Variants in SLC24A2 observed in about 807,000 individuals in gnomAD.
SLC24A2 encodes the protein sodium/potassium/calcium exchanger 2.
Under a neutral mutation model 62.0 loss-of-function variants are expected in SLC24A2, and 36 were observed. That is an observed-to-expected ratio of 0.58 (90% CI 0.44 to 0.77). SLC24A2 has a LOEUF of 0.77. SLC24A2 is among the 30% of genes least tolerant of loss of function. The probability of loss-of-function intolerance (pLI) is 0.00; values close to 1 mark genes in which losing one functional copy is unlikely to be tolerated. For missense variants in SLC24A2, 846 were observed against 817.9 expected, an observed-to-expected ratio of 1.03 and a Z score of -0.42; for synonymous variants, 358 against 294.0, an observed-to-expected ratio of 1.22 and a Z score of -2.23.
At chr9:19,769,496 A>G (rs796721869) in intron 2 of SLC24A2, among the ~76,000 whole-genome samples, 20 of 152,334 alleles carry the variant, frequency 1.3e-4, no homozygotes, top group African/African-American at 4.1e-4. Context: ...TTCTTTGGGT[A>G]TTATCAACAT....
chr9:19,518,351 C>T (rs1833033907), intron 10 of SLC24A2, among the ~76,000 whole-genome samples: 1 of 151,718 alleles, frequency 6.6e-6, no homozygotes, highest in Non-Finnish European at 1.5e-5. Context: ...GTGAAATACA[C>T]AAGAATTTCA....
the SLC24A2 span, among the ~76,000 whole-genome samples, chr9:20,287,118 GT>G: frequency 1.3e-5 from 2 of 152,176 alleles, no homozygotes; most frequent in Non-Finnish European, 2.9e-5. Context: ...GGGAAACATT[GT>G]TTTAAGACAA....
intron 7 of SLC24A2, among the ~76,000 whole-genome samples, chr9:19,560,912 TATATAGAGAG>T (rs780425611): frequency 0.054 from 2,702 of 50,006 alleles, 77 homozygotes; most frequent in African/African-American, 0.19. Context: ...TATATATATA[TATATAGAGAG>T]AGAGAGAGAG....
the SLC24A2 span, among the ~76,000 whole-genome samples, chr9:19,939,740 G>A: frequency 6.6e-6 from 1 of 152,256 alleles, no homozygotes; most frequent in Admixed American, 6.5e-5. Flanking sequence ...ATAATCTTAG[G>A]GGCCCACTGT....
chr9:19,810,369 G>T, the SLC24A2 span, among the ~76,000 whole-genome samples: 1 of 152,188 alleles, frequency 6.6e-6, no homozygotes, highest in Non-Finnish European at 1.5e-5. Context: ...AATAAAAAGT[G>T]TCTGTTTTTA....
the SLC24A2 span, among the ~76,000 whole-genome samples, chr9:19,865,485 T>C: frequency 2.0e-5 from 3 of 152,124 alleles, no homozygotes; most frequent in South Asian, 2.1e-4. Context: ...CAAAACACCA[T>C]GGTACTGGCA....
the SLC24A2 span, among the ~76,000 whole-genome samples, chr9:19,969,765 G>A: frequency 6.6e-6 from 1 of 152,182 alleles, no homozygotes; most frequent in South Asian, 2.1e-4. Flanking sequence ...AAAGATCATA[G>A]AGCTTGTAAG....
chr9:19,981,751 G>A, the SLC24A2 span, among the ~76,000 whole-genome samples: 15 of 152,176 alleles, frequency 9.9e-5, no homozygotes, highest in African/African-American at 3.6e-4. Context: ...TGAAAGGACA[G>A]CAGTTACCCA....
the SLC24A2 span, among the ~76,000 whole-genome samples, chr9:20,070,535 A>C: frequency 6.6e-6 from 1 of 152,254 alleles, no homozygotes; most frequent in Admixed American, 6.5e-5. Context: ...CAGGTTAGAA[A>C]GGCGGTGTGC....
chr9:19,742,443 T>G (rs1225687739), intron 2 of SLC24A2, among the ~76,000 whole-genome samples: 2 of 152,174 alleles, frequency 1.3e-5, no homozygotes, highest in African/African-American at 2.4e-5. Context: ...ATACAGAAAT[T>G]ATCTTCTTAA....
At chr9:20,086,431 G>C in the SLC24A2 span, among the ~76,000 whole-genome samples, 1 of 152,120 alleles carries the variant, frequency 6.6e-6, no homozygotes, top group South Asian at 2.1e-4. Flanking sequence ...GTTTGTGTTT[G>C]CCTATTATGG....
chr9:19,575,607 C>G (rs1416647514), intron 6 of SLC24A2, among the ~76,000 whole-genome samples: 1 of 152,098 alleles, frequency 6.6e-6, no homozygotes, highest in African/African-American at 2.4e-5. Context: ...ATTCAGAGAC[C>G]CAATAACATT....
the SLC24A2 span, among the ~76,000 whole-genome samples, chr9:19,883,362 CAG>C: frequency 2.8e-3 from 426 of 152,228 alleles, no homozygotes; most frequent in Admixed American, 4.8e-3. Flanking sequence ...GTGTACAAAT[CAG>C]AGTCTTACAA....
At chr9:19,940,286 G>A in the SLC24A2 span, among the ~76,000 whole-genome samples, 4 of 152,194 alleles carry the variant, frequency 2.6e-5, no homozygotes, top group Admixed American at 6.5e-5. Flanking sequence ...AGAGGCTTTT[G>A]CCAACTGTTC....
At chr9:19,662,664 C>T (rs1270909431) in intron 2 of SLC24A2, among the ~76,000 whole-genome samples, 1 of 152,162 alleles carries the variant, frequency 6.6e-6, no homozygotes, top group African/African-American at 2.4e-5. Flanking sequence ...TGCAGGCCTC[C>T]TCATCTTGGT....
chr9:19,941,590 T>TGTGTGTGTGTGAGAGA, the SLC24A2 span, among the ~76,000 whole-genome samples: 18 of 127,974 alleles, frequency 1.4e-4, no homozygotes, highest in South Asian at 5.1e-4. Flanking sequence ...TGTGTGTGTG[T>TGTGTGTGTGTGAGAGA]GAGAGAGAGA....
At chr9:20,022,608 T>TC in the SLC24A2 span, among the ~76,000 whole-genome samples, 164 of 152,340 alleles carry the variant, frequency 1.1e-3, 3 homozygotes, top group African/African-American at 3.8e-3. Context: ...CACAATGGAA[T>TC]CATGATGACT....
chr9:20,210,726 G>C, the SLC24A2 span, among the ~76,000 whole-genome samples: 1 of 134,722 alleles, frequency 7.4e-6, no homozygotes, highest in African/African-American at 2.8e-5. Context: ...GGATGGTCTG[G>C]ATCTCCTGAC....
chr9:19,852,669 A>G, the SLC24A2 span, among the ~76,000 whole-genome samples: 1 of 151,946 alleles, frequency 6.6e-6, no homozygotes, highest in African/African-American at 2.4e-5. Flanking sequence ...ATTCTGTTCC[A>G]TTGGTCTATG....
Sources: allele counts gnomAD v4.1 joint callset (sites outside exome capture counted in the v4.1 genomes callset), GRCh38; gene constraint gnomAD v4.1.1; transcripts MANE v1.5; gene names NCBI Gene and HGNC (gene_info 2026-07-23, HGNC 2026-07-21).